Variants in ENO3 observed in about 807,000 individuals in gnomAD.
ENO3 encodes the protein enolase 3, also known as beta-enolase.
A neutral mutation model predicts 47.7 loss-of-function variants in ENO3; 46 were observed. That is an observed-to-expected ratio of 0.96 (90% CI 0.76 to 1.23). The LOEUF is 1.23. Among genes scored for constraint, ENO3 ranks in the 50% most tolerant of loss-of-function variants. ENO3 has a pLI of 0.00. For missense variants in ENO3, 575 were observed against 566.2 expected (o/e 1.02, Z -0.16); for synonymous variants, 223 against 225.9 (o/e 0.99, Z 0.11).
At position 4,955,611 on chromosome 17, in the gene ENO3, C is replaced by G; in HGVS notation, c.865+7C>G. 6.2e-7 allele frequency: 1 copy of G among 1,614,224 alleles called. No homozygotes were observed. The highest frequency in any genetic ancestry group is 8.5e-7 in the Non-Finnish European group (1 of 1,180,034). Reference sequence around the variant, plus strand: ...TTTATCAAGAACTATCCTGGTGAGGCGTTCGGGTGTCCCAGTGTTCCTGCC... The same window carrying G: ...TTTATCAAGAACTATCCTGGTGAGGGGTTCGGGTGTCCCAGTGTTCCTGCC... On this transcript the variant is annotated splice_region_variant and intron_variant, in intron 8 of 11. Transcript: ENST00000519602.
chr17:4,954,146 T>A (rs1043697600), intron 6 of ENO3: 5 of 483,500 alleles, frequency 1.0e-5, no homozygotes, highest in Non-Finnish European at 1.1e-5. Flanking sequence ...ATATTGAGAG[T>A]TTCTTTGAGG....
chr17:4,953,320 C>G lies in ENO3; in HGVS notation c.289C>G (p.Leu97Val). 1 of 1,614,206 alleles carries G rather than the reference C, an allele frequency of 6.2e-7. No homozygotes were observed. The highest frequency in any genetic ancestry group is 1.3e-5 in the African/African-American group (1 of 75,026). The change falls in exon 5 of 12, where the codon CTA (leucine) becomes GTA (valine). Residue 97 changes from leucine (L) to valine (V), a missense_variant. Physicochemically the swap from Leu to Val is conservative, Grantham distance 32. Coordinates refer to ENST00000519602, the MANE Select transcript of ENO3 (RefSeq NM_053013.4). ...AAAAGTTGACAAATTTATGATTGAG[C>G]TAGATGGGACCGAGAATAAGTGTGA... Reference protein sequence around the residue: ...QEKVDKFMIELDGTENKSKFG... With the variant: ...QEKVDKFMIEVDGTENKSKFG...
chr17:4,952,824 G>A lies in ENO3; in HGVS notation c.115G>A (p.Ala39Thr), dbSNP rs141103742. Reference sequence around the variant, plus strand: ...ATTCCGAGCAGCTGTGCCCAGTGGGGCTTCCACGGGTATCTATGAGGCTCT... The same window carrying A: ...ATTCCGAGCAGCTGTGCCCAGTGGGACTTCCACGGGTATCTATGAGGCTCT... ...GRFRAAVPSG[A>T]STGIYEALEL... is the part of the protein sequence containing the mutation. The change falls in exon 3 of 12, where the codon GCT becomes ACT. Residue 39 changes from alanine to threonine, a missense_variant. Transcript: ENST00000519602. 433 of 1,611,626 alleles carry A rather than the reference G, an allele frequency of 2.7e-4. 1 individual carries two copies. Among genetic ancestry groups the A allele is most frequent in the Non-Finnish European group, 3.3e-4 (391 of 1,178,746 alleles).
chr17:4,951,733 CCTT>C (rs1477750009), intron 1 of ENO3, 92 bp from the exon 2 acceptor site: 5 of 1,375,322 alleles, frequency 3.6e-6, no homozygotes, highest in Non-Finnish European at 5.2e-6. Flanking sequence ...CCAGCACCTG[CCTT>C]CTTGGAGTGG....
intron 2 of ENO3, 164 bp downstream of exon 2, chr17:4,952,078 G>C: frequency 3.9e-6 from 3 of 767,402 alleles, no homozygotes; most frequent in South Asian, 1.5e-5. Flanking sequence ...GAAGCTAGGA[G>C]AAGCAGGAGT....
chr17:4,951,811 C>G lies in ENO3; in HGVS notation c.-2-17C>G. On this transcript the variant is annotated splice_polypyrimidine_tract_variant and intron_variant, in intron 1 of 11. Transcript: ENST00000519602. ...GAGATCAACTGTCTACACTCACTCA[C>G]ACCTCCTGTCCTGCAGCCATGGCCA... is the stretch of plus-strand genomic sequence containing the variant. 3 of 1,613,482 alleles carry G rather than the reference C, an allele frequency of 1.9e-6. No homozygotes were observed. The highest frequency in any genetic ancestry group is 2.5e-6 in the Non-Finnish European group (3 of 1,179,432).
intron 1 of ENO3, 177 bp from the exon 2 acceptor site, chr17:4,951,651 G>C (rs1971542533): frequency 1.5e-6 from 1 of 676,334 alleles, no homozygotes; most frequent in Admixed American, 2.1e-5. Flanking sequence ...TGGAATAAGA[G>C]CTGTTCTGAG....
rs1373148599 is a variant in ENO3, at chr17:4,952,342, A to G, written c.85+428A>G. On this transcript the variant is annotated intron_variant, in intron 2 of 11. Transcript: ENST00000519602. The stretch of plus-strand genomic sequence containing the variant: ...CAGGCCTGTGCCATCACGCCCAGCT[A>G]ATTTTTTTTTTTTTTTTTTGAGATG... The G allele has an allele frequency of 4.4e-5, 12 of 270,534 alleles. No homozygotes were observed. The East Asian group carries it at 8.6e-4, about 19-fold the overall frequency. 16.8% of individuals were successfully genotyped at this position (270,534 alleles called of 1,614,324 possible). A position where few individuals can be genotyped will look rare whatever the true frequency, so the allele number is the denominator to read the frequency against.
upstream of ENO3, chr17:4,950,754 C>G: frequency 1.1e-6 from 1 of 884,040 alleles, no homozygotes; most frequent in Non-Finnish European, 1.4e-6. Context: ...AGGCCCCCTC[C>G]CCAGCCTTGC....
At chr17:4,956,724 T>C (rs199919172) in intron 10 of ENO3, 43 bp downstream of exon 10, 1,593 of 1,614,106 alleles carry the variant, frequency 9.9e-4, no homozygotes, top group Non-Finnish European at 9.1e-4. Flanking sequence ...CCAAGTTTTC[T>C]TGGGGTCCCT....
intron 6 of ENO3, 133 bp downstream of exon 6, chr17:4,953,978 C>CCTG (rs1310158422): frequency 6.5e-6 from 9 of 1,376,398 alleles, no homozygotes; most frequent in Non-Finnish European, 8.0e-6. Flanking sequence ...TTGAATCTCT[C>CCTG]CTGCTGTGGT....
Position 4,953,833 on chromosome 17 carries a change from A to G in ENO3, c.432A>G (p.Ile144Met). The change falls in exon 6 of 12, where the codon ATA becomes ATG. Residue 144 changes from isoleucine to methionine, a missense_variant. Coordinates refer to ENST00000519602, the MANE Select transcript of ENO3 (RefSeq NM_053013.4). The stretch of plus-strand genomic sequence containing the variant: ...ATCTCGCTGGGAACCCTGACCTCAT[A>G]CTCCCAGTGCCAGTGAGTGCAGCTA... ...IADLAGNPDLILPVPAFNVIN... is the reference protein window; with the variant it reads ...IADLAGNPDLMLPVPAFNVIN... 1.2e-6 allele frequency: 2 copies of G among 1,613,524 alleles called. No homozygotes were observed. Among genetic ancestry groups the G allele is most frequent in the Non-Finnish European group, 8.5e-7 (1 of 1,179,868 alleles).
chr17:4,956,322 C>A, intron 9 of ENO3, 179 bp downstream of exon 9: 2 of 828,968 alleles, frequency 2.4e-6, no homozygotes, highest in Non-Finnish European at 3.9e-6. Context: ...AGAGCTTTGC[C>A]CCTGTGGCTC....
chr17:4,952,727 G>T lies in ENO3; in HGVS notation c.86-68G>T, dbSNP rs375609048. The T allele has an allele frequency of 4.0e-6, 6 of 1,493,058 alleles. No homozygotes were observed. In the East Asian group the frequency reaches 9.7e-5, roughly 24 times the overall value. The allele number at this position is 1,493,058 out of a possible 1,614,324, so 92.5% of individuals were successfully genotyped here. ...TCCACCTGCCTAGGCCTCTCAAAGTGCTGGGATTACAGGCATGGGCCACCG... is the reference window on the plus strand; with the variant it reads ...TCCACCTGCCTAGGCCTCTCAAAGTTCTGGGATTACAGGCATGGGCCACCG... On this transcript the variant is annotated intron_variant, in intron 2 of 11. Transcript: ENST00000519602.
rs765877225 is a variant in ENO3 at position 4,956,160 on chromosome 17, C to T, written c.1067+17C>T. On this transcript the variant is annotated intron_variant, in intron 9 of 11. Transcript: ENST00000519602. ...GATCCAGGCGTGAGTGCCTCCTGAC[C>T]CTGAGGCTCACCATAGCCTGCCTCT... 1.9e-6 allele frequency: 3 copies of T among 1,613,346 alleles called. No homozygotes were observed. Among genetic ancestry groups the T allele is most frequent in the Non-Finnish European group, 1.7e-6 (2 of 1,179,734 alleles).
chr17:4,956,977 G>C lies in ENO3; in HGVS notation c.1236-1G>C. ...CAGCCCTAACCTTGCCTGCATTCTA[G>C]GATCGAGGAGGCTCTTGGGGACAAG... On this transcript the variant is annotated splice_acceptor_variant, in intron 11 of 11. Transcript: ENST00000519602. LOFTEE classifies it high-confidence loss of function. The C allele has an allele frequency of 6.2e-7, 1 of 1,614,236 alleles. No homozygotes were observed. Among genetic ancestry groups the C allele is most frequent in the Non-Finnish European group, 8.5e-7 (1 of 1,180,046 alleles).
intron 6 of ENO3, 63 bp downstream of exon 6, chr17:4,953,908 G>A: frequency 1.2e-6 from 2 of 1,612,504 alleles, no homozygotes; most frequent in Middle Eastern, 1.7e-4. Flanking sequence ...GCCCAGCCAG[G>A]GTTGGCCCCC....
upstream of ENO3, chr17:4,949,101 T>TCCC (rs1971470344): frequency 6.6e-6 from 1 of 152,038 alleles, no homozygotes; most frequent in African/African-American, 2.4e-5. Context: ...GAAGGCGGGC[T>TCCC]GGGGACGTGT....
In ENO3 at chr17:4,953,833, A is replaced by T. The variant is rs763215013; in HGVS notation, c.432A>T (p.Ile144=). 2 of 1,613,408 alleles carry T rather than the reference A, an allele frequency of 1.2e-6. No individual in the cohort carries two copies. The highest frequency in any genetic ancestry group is 1.7e-6 in the Non-Finnish European group (2 of 1,179,876). The part of the protein sequence containing the change: ...IADLAGNPDL[I]LPVPAFNVIN... ...ATCTCGCTGGGAACCCTGACCTCAT[A>T]CTCCCAGTGCCAGTGAGTGCAGCTA... The change falls in exon 6 of 12, where the codon ATA becomes ATT. Residue 144 remains isoleucine, a synonymous_variant. Coordinates refer to ENST00000519602, the MANE Select transcript of ENO3 (RefSeq NM_053013.4).
Sources: allele counts gnomAD v4.1 joint callset, GRCh38; gene constraint gnomAD v4.1.1; transcripts MANE v1.5; gene names NCBI Gene and HGNC (gene_info 2026-07-23, HGNC 2026-07-21).